Variants in SIMC1 observed in about 807,000 individuals in gnomAD.
SIMC1 encodes the protein SUMO interacting motifs containing 1.
A neutral mutation model predicts 82.3 loss-of-function variants in SIMC1; 55 were observed. The observed-to-expected ratio is 0.67, with a 90% CI of 0.54 to 0.84. SIMC1 has a LOEUF of 0.84. SIMC1 is among the 40% of genes least tolerant of loss of function. The pLI, the probability that SIMC1 is intolerant of heterozygous loss-of-function variation, is 0.00. For synonymous variants in SIMC1, 353 were observed against 426.3 expected (o/e 0.83, Z 2.12); for missense variants, 915 against 1,107.2 (o/e 0.83, Z 2.46).
At chr5:176,302,410 A>G (rs1422493802) in intron 4 of SIMC1, among the ~76,000 whole-genome samples, 2 of 152,124 alleles carry the variant, frequency 1.3e-5, no homozygotes, top group East Asian at 3.8e-4. Flanking sequence ...AAAGAAAACT[A>G]CCTCAACATA....
chr5:176,295,283 C>T (rs376291015), intron 3 of SIMC1, 21 bp downstream of exon 3: 60 of 1,592,546 alleles, frequency 3.8e-5, no homozygotes, highest in Non-Finnish European at 4.8e-5. Flanking sequence ...TAACCTCTGG[C>T]TGTTGGCGAA....
chr5:176,274,756 C>G (rs554358398), intron 1 of SIMC1, among the ~76,000 whole-genome samples: 1 of 151,756 alleles, frequency 6.6e-6, no homozygotes, highest in African/African-American at 2.4e-5. Context: ...CATTTATTAA[C>G]TAGGGAATCC....
At chr5:176,287,378 G>T (rs1257167197) in intron 1 of SIMC1, among the ~76,000 whole-genome samples, 1 of 152,110 alleles carries the variant, frequency 6.6e-6, no homozygotes, top group Non-Finnish European at 1.5e-5. Flanking sequence ...CTATCGCAAG[G>T]ACAGAAAACC....
chr5:176,322,237 A>G, intron 5 of SIMC1, 36 bp from the exon 6 acceptor site: 2 of 1,522,974 alleles, frequency 1.3e-6, no homozygotes, highest in Non-Finnish European at 1.8e-6. Flanking sequence ...ACAGAAAAAG[A>G]AAGAATAAAC....
chr5:176,251,481 A>G (rs1761649832), intron 1 of SIMC1, among the ~76,000 whole-genome samples: 1 of 152,206 alleles, frequency 6.6e-6, no homozygotes, highest in African/African-American at 2.4e-5. Context: ...GGTGATGACA[A>G]AATCTCTCAG....
chr5:176,262,998 T>A (rs899002471), intron 1 of SIMC1, among the ~76,000 whole-genome samples: 2 of 151,286 alleles, frequency 1.3e-5, no homozygotes, highest in Non-Finnish European at 2.9e-5. Flanking sequence ...ATACTAACAA[T>A]GAAAAAGTGG....
chr5:176,265,266 T>TCAAACAAACAAA (rs79477198), intron 1 of SIMC1, among the ~76,000 whole-genome samples: 7,404 of 150,758 alleles, frequency 0.049, 204 homozygotes, highest in East Asian at 0.099. Flanking sequence ...ACTCTCCACT[T>TCAAACAAACAAA]CAAACAAACA....
At chr5:176,282,410 T>G (rs1173381623) in intron 1 of SIMC1, among the ~76,000 whole-genome samples, 1 of 152,224 alleles carries the variant, frequency 6.6e-6, no homozygotes, top group African/African-American at 2.4e-5. Context: ...TCGCCCTGCT[T>G]CGGCTCGCGC....
At chr5:176,337,038 C>T in intron 8 of SIMC1, 24 bp from the exon 9 acceptor site, 2 of 1,611,190 alleles carry the variant, frequency 1.2e-6, no homozygotes, top group African/African-American at 1.3e-5. Flanking sequence ...CATTTATTAT[C>T]AATCCATTTT....
intron 4 of SIMC1, among the ~76,000 whole-genome samples, chr5:176,297,556 A>G (rs532062801): frequency 2.6e-5 from 4 of 151,950 alleles, no homozygotes; most frequent in African/African-American, 4.8e-5. Context: ...TAATAAACAA[A>G]GACAGCTAGT....
At chr5:176,252,755 T>C (rs1479575281) in intron 1 of SIMC1, among the ~76,000 whole-genome samples, 1 of 152,226 alleles carries the variant, frequency 6.6e-6, no homozygotes, top group Non-Finnish European at 1.5e-5. Flanking sequence ...GGGCAGAGGC[T>C]GCAATCTCGG....
chr5:176,315,049 A>G (rs924164175), intron 5 of SIMC1, among the ~76,000 whole-genome samples: 6 of 152,142 alleles, frequency 3.9e-5, no homozygotes, highest in Non-Finnish European at 8.8e-5. Context: ...AATATTTTCA[A>G]CTTACAGTGG....
Position 176,337,137 on chromosome 5 carries a change from G to A in SIMC1, c.2404G>A (p.Val802Ile), listed in dbSNP as rs374421813. The A allele has an allele frequency of 5.6e-6, 9 of 1,613,656 alleles. No individual in the cohort carries two copies. Among genetic ancestry groups the A allele is most frequent in the Middle Eastern group, 1.6e-4 (1 of 6,084 alleles). ...LQFLLSSYQHVLREHLRSSVI... is the reference protein window; with the variant it reads ...LQFLLSSYQHILREHLRSSVI... The stretch of plus-strand genomic sequence containing the variant: ...GTTTCTGCTGTCCAGTTATCAACAT[G>A]TTTTAAGAGGTAAGGAGCATTTGTT... Residue 802 changes from valine (V) to isoleucine (I), a missense_variant, in exon 9 of 10, where the codon GTT becomes ATT. Physicochemically the swap from Val to Ile is conservative, Grantham distance 29 (BLOSUM62 3). Around this residue, in one of 2 missense-constraint regions of SIMC1, gnomAD observed 902 missense variants for 1,040.3 expected, o/e 0.87. Coordinates refer to ENST00000429602, the MANE Select transcript of SIMC1 (RefSeq NM_001308195.2).
chr5:176,338,768 G>A (rs1020884049), intron 9 of SIMC1, among the ~76,000 whole-genome samples: 1 of 149,648 alleles, frequency 6.7e-6, no homozygotes, highest in Admixed American at 6.8e-5. Flanking sequence ...CTCAGGCCAG[G>A]AATTGAGAAA....
At chr5:176,299,671 C>T (rs1305949780) in intron 4 of SIMC1, among the ~76,000 whole-genome samples, 4 of 152,030 alleles carry the variant, frequency 2.6e-5, no homozygotes, top group Non-Finnish European at 4.4e-5. Flanking sequence ...AAATAGACAA[C>T]ACAATAATAG....
At chr5:176,292,385 T>C (rs1035332478) in intron 2 of SIMC1, among the ~76,000 whole-genome samples, 2 of 152,348 alleles carry the variant, frequency 1.3e-5, no homozygotes, top group Admixed American at 6.5e-5. Flanking sequence ...TCAAAAGGTA[T>C]GCTCTCCTCA....
chr5:176,319,451 T>C (rs987579916), intron 5 of SIMC1, among the ~76,000 whole-genome samples: 1 of 151,706 alleles, frequency 6.6e-6, no homozygotes, highest in African/African-American at 2.4e-5. Context: ...GGAGGATCGC[T>C]TGAGCTCAGG....
intron 1 of SIMC1, among the ~76,000 whole-genome samples, chr5:176,282,687 G>A (rs116285742): frequency 0.021 from 3,200 of 152,274 alleles, 49 homozygotes; most frequent in Middle Eastern, 0.068. Context: ...TGACTTTGAC[G>A]AGTTGAGAGA....
At chr5:176,269,522 T>C (rs979169748) in intron 1 of SIMC1, among the ~76,000 whole-genome samples, 1 of 152,222 alleles carries the variant, frequency 6.6e-6, no homozygotes, top group African/African-American at 2.4e-5. Flanking sequence ...GAATTTGTAA[T>C]TTTAATTTGT....
Sources: gnomAD v4.1 joint callset for allele counts (sites outside exome capture counted in the v4.1 genomes callset) on GRCh38, gnomAD v4.1.1 for gene constraint, gnomAD v4.1.1 regional missense constraint, MANE v1.5 for transcripts, NCBI Gene and HGNC (gene_info 2026-07-23, HGNC 2026-07-21) for gene names.